Variants in STRC observed in about 807,000 individuals in gnomAD.
STRC encodes the protein stereocilin.
A neutral mutation model predicts 103.5 loss-of-function variants in STRC; 43 were observed. The observed-to-expected ratio is 0.42, with a 90% CI of 0.33 to 0.54. The LOEUF is 0.54. Ranked by LOEUF, STRC falls within the 20% of genes least tolerant of loss-of-function variation. STRC has a pLI of 0.14. For missense variants in STRC, 499 were observed against 1,088.5 expected (o/e 0.46, Z 7.62); for synonymous variants, 186 against 442.3 (o/e 0.42, Z 7.27).
chr15:43,608,870 A>G (rs2085729655), intron 16 of STRC, among the ~76,000 whole-genome samples: 8 of 151,130 alleles, frequency 5.3e-5, no homozygotes, highest in Admixed American at 5.3e-4. Context: ...GCAAATGACT[A>G]CTGGGACTTT....
chr15:43,600,632 T>A lies in STRC; in HGVS notation c.4895A>T (p.Gln1632Leu). ...GTLHLQCSEEQLEVLAHLLVL... is the reference protein window; with the variant it reads ...GTLHLQCSEELLEVLAHLLVL... ...AAGTAGGTGGGCCAGAACCTCCAGT[T>A]GTTCCTCAGAGCACTGGAGATGCAG... Residue 1632 changes from glutamine to leucine, a missense_variant, in exon 26 of 29, where the codon CAA becomes CTA. Coordinates refer to ENST00000450892, the MANE Select transcript of STRC (RefSeq NM_153700.2). 1 of 1,613,726 alleles carries A rather than the reference T, an allele frequency of 6.2e-7. No homozygotes were observed. Among genetic ancestry groups the A allele is most frequent in the Non-Finnish European group, 8.5e-7 (1 of 1,179,864 alleles).
intron 22 of STRC, chr15:43,603,614 G>C (rs2085690110): frequency 1.5e-6 from 1 of 676,496 alleles, no homozygotes; most frequent in African/African-American, 1.8e-5. Flanking sequence ...GACTTTTATA[G>C]ATGGAAGACT....
At position 43,601,401 on chromosome 15, in the gene STRC, T is replaced by C. The variant is rs778673917; in HGVS notation, c.4696A>G (p.Thr1566Ala). 55 of 1,613,156 alleles carry C rather than the reference T, an allele frequency of 3.4e-5. 2 individuals carry two copies. The South Asian group carries it at 5.3e-4, about 15-fold the overall frequency. The change falls in exon 24 of 29, where the codon ACT becomes GCT. Residue 1566 changes from threonine to alanine, a missense_variant. Physicochemically the swap from Thr to Ala is moderately conservative, Grantham distance 58. Coordinates refer to ENST00000450892, the MANE Select transcript of STRC (RefSeq NM_153700.2). ...TLGQIDGWST[T>A]QLRIVVSSFL... The stretch of plus-strand genomic sequence containing the variant: ...GGGAGGAGGAAAAGTGTTACCTGAG[T>C]GGTGCTCCAGCCATCTATCTGCCCC...
Position 43,607,966 on chromosome 15 carries a change from T to A in STRC, c.3691A>T (p.Ile1231Phe), listed in dbSNP as rs773418805. The A allele has an allele frequency of 6.2e-6, 10 of 1,610,318 alleles. 1 individual carries two copies. In the African/African-American group the frequency reaches 1.1e-4, roughly 18 times the overall value. Residue 1231 changes from isoleucine to phenylalanine, a missense_variant, in exon 18 of 29, where the codon ATC becomes TTC. Physicochemically the swap from Ile to Phe is conservative, Grantham distance 21. Transcript: ENST00000450892. ...ATCCTCCGCTGTAGCTCTGCCCAGA[T>A]ACAGGCCCTCTGTAGGGAAGCAGTG... ...TRVRGSLRAC[I>F]WAELQRRMAM...
At chr15:43,601,665 C>G in intron 23 of STRC, 114 bp from the exon 24 acceptor site, 1 of 1,162,908 alleles carries the variant, frequency 8.6e-7, no homozygotes, top group Non-Finnish European at 1.3e-6. Context: ...AAATCATTTG[C>G]CTTTTCTTTA....
chr15:43,611,354 G>T (rs1305061824), intron 12 of STRC, 39 bp from the exon 13 acceptor site: 1 of 510,432 alleles, frequency 2.0e-6, no homozygotes, highest in African/African-American at 3.6e-5. Context: ...AAGAAGAAGG[G>T]AAGGGTGTTG....
At chr15:43,601,355 A>T (rs1403601042) in intron 24 of STRC, 41 bp downstream of exon 24, 3 of 1,611,310 alleles carry the variant, frequency 1.9e-6, no homozygotes, top group East Asian at 2.2e-5. Context: ...GGTCTGTGGG[A>T]TGGGTGTTTG....
Position 43,603,435 on chromosome 15 carries a change from G to A in STRC, c.4376-24C>T. On this transcript the variant is annotated intron_variant, in intron 22 of 28. Transcript: ENST00000450892. ...TTCTGAAGGGGGAAGGCAGGGCCAG[G>A]AGGTCAGCGCAGTAATAAAATATGC... The A allele has an allele frequency of 1.2e-6, 2 of 1,610,078 alleles. 1 individual carries two copies.
intron 25 of STRC, 60 bp downstream of exon 25, chr15:43,600,812 T>A (rs1010941642): frequency 1.7e-5 from 27 of 1,613,464 alleles, no homozygotes; most frequent in Non-Finnish European, 1.5e-5. Context: ...ATGATCCTTC[T>A]TTCCCCAGTA....
intron 22 of STRC, 131 bp downstream of exon 22, chr15:43,603,865 A>G (rs1260705769): frequency 4.8e-5 from 72 of 1,498,370 alleles, no homozygotes; most frequent in Non-Finnish European, 5.5e-5. Flanking sequence ...AGAGGCTTGA[A>G]GATCATCCCT....
intron 24 of STRC, 95 bp downstream of exon 24, chr15:43,601,301 C>A (rs2085665719): frequency 1.3e-6 from 2 of 1,570,180 alleles, no homozygotes. Context: ...CAGGTAGGGT[C>A]ACAGGAAAAA....
intron 24 of STRC, 80 bp from the exon 25 acceptor site, chr15:43,601,094 G>C (rs1236692056): frequency 1.8e-6 from 2 of 1,097,870 alleles, no homozygotes; most frequent in Admixed American, 4.0e-5. Context: ...GGTGTTACTG[G>C]GTTATATTCT....
At chr15:43,609,204 T>C in intron 16 of STRC, 72 bp downstream of exon 16, 1 of 1,467,644 alleles carries the variant, frequency 6.8e-7, no homozygotes, top group East Asian at 2.3e-5. Context: ...TATCACATGG[T>C]GCCTGGCACA....
intron 22 of STRC, 173 bp from the exon 23 acceptor site, chr15:43,603,584 G>A (rs1404561927): frequency 4.0e-6 from 3 of 759,410 alleles, no homozygotes; most frequent in Admixed American, 2.1e-5. Flanking sequence ...AATAGAACAA[G>A]AAGTGATTGG....
chr15:43,605,722 A>G (rs1246110970), intron 18 of STRC, among the ~76,000 whole-genome samples: 2 of 107,576 alleles, frequency 1.9e-5, no homozygotes, highest in African/African-American at 7.5e-5. Flanking sequence ...TGAGGTTCAC[A>G]GAGATCAAAT....
chr15:43,611,044 G>A, intron 13 of STRC, 60 bp from the exon 14 acceptor site: 2 of 1,588,054 alleles, frequency 1.3e-6, no homozygotes. Flanking sequence ...GTGTGTAAGT[G>A]GGGAGGTATG....
intron 21 of STRC, 59 bp downstream of exon 21, chr15:43,604,302 T>C: frequency 1.9e-6 from 3 of 1,587,770 alleles, no homozygotes; most frequent in East Asian, 2.3e-5. Context: ...CGGGTCCCCA[T>C]AACCAGCTCA....
chr15:43,605,143 G>A (rs2085702651), intron 19 of STRC, 121 bp downstream of exon 19: 1 of 1,545,542 alleles, frequency 6.5e-7, no homozygotes, highest in Non-Finnish European at 8.7e-7. Context: ...CTTGTAGACA[G>A]GAATCTGTTT....
chr15:43,602,241 T>C (rs2085675862), intron 23 of STRC, among the ~76,000 whole-genome samples: 1 of 149,702 alleles, frequency 6.7e-6, no homozygotes, highest in African/African-American at 2.5e-5. Flanking sequence ...AGGGCAGTGG[T>C]GCGATCTTGG....
Sources: gnomAD v4.1 joint callset for allele counts (sites outside exome capture counted in the v4.1 genomes callset) on GRCh38, gnomAD v4.1.1 for gene constraint, MANE v1.5 for transcripts, NCBI Gene and HGNC (gene_info 2026-07-23, HGNC 2026-07-21) for gene names.